Variants in NCALD observed in about 807,000 individuals in gnomAD.
The protein encoded by NCALD is neurocalcin-delta.
NCALD carries 10 observed loss-of-function variants against 18.6 expected under a neutral mutation model. That is an observed-to-expected ratio of 0.54 (90% CI 0.33 to 0.91). The LOEUF is 0.91. Ranked by LOEUF, NCALD falls within the 40% of genes least tolerant of loss-of-function variation. The pLI, the probability that NCALD is intolerant of heterozygous loss-of-function variation, is 0.03. For missense variants in NCALD, 184 were observed against 247.6 expected, an observed-to-expected ratio of 0.74 and a Z score of 1.72; for synonymous variants, 88 against 87.4, an observed-to-expected ratio of 1.01 and a Z score of -0.04.
At chr8:101,933,023 A>G (rs1007948802) in intron 2 of NCALD, among the ~76,000 whole-genome samples, 1 of 152,240 alleles carries the variant, frequency 6.6e-6, no homozygotes, top group African/African-American at 2.4e-5. Flanking sequence ...ACATATGCAC[A>G]TATACACATA....
chr8:101,804,291 C>CTATTATATATAATTATATCAATTATA (rs59006568), intron 4 of NCALD, among the ~76,000 whole-genome samples: 7,343 of 116,200 alleles, frequency 0.063, 816 homozygotes, highest in African/African-American at 0.15. Context: ...CTATTTATAA[C>CTATTATATATAATTATATCAATTATA]TATTATATAT....
chr8:102,059,338 G>C (rs904334363), intron 1 of NCALD, among the ~76,000 whole-genome samples: 1 of 152,172 alleles, frequency 6.6e-6, no homozygotes, highest in Non-Finnish European at 1.5e-5. Context: ...GGTATATTGT[G>C]ATTATTGTTA....
intron 2 of NCALD, among the ~76,000 whole-genome samples, chr8:101,940,210 T>G (rs1213762070): frequency 6.6e-6 from 1 of 152,160 alleles, no homozygotes; most frequent in African/African-American, 2.4e-5. Flanking sequence ...TCTCAAATAC[T>G]TTTAGAAAGG....
At position 101,966,425 on chromosome 8, in the gene NCALD, T is replaced by C. The variant is rs537833551; in HGVS notation, c.-156-50567A>G. Among the ~76,000 whole-genome samples the C allele has an allele frequency of 5.8e-5, 8 of 137,746 alleles. No individual in the cohort carries two copies. In the South Asian group the frequency reaches 1.8e-3, roughly 31 times the overall value. The allele number at this position is 137,746 out of a possible 152,430, so 90.4% of individuals were successfully genotyped here. On this transcript the variant is annotated intron_variant, in intron 2 of 6. Transcript: ENST00000311028. The stretch of plus-strand genomic sequence containing the variant: ...CATGTTCTCACTCATAGGTGAGAAT[T>C]GAACAATGAGAACACATGGACACAG...
At chr8:101,993,453 A>G (rs939613665) in intron 2 of NCALD, among the ~76,000 whole-genome samples, 8 of 152,212 alleles carry the variant, frequency 5.3e-5, no homozygotes, top group Non-Finnish European at 1.5e-5. Context: ...GAGGAGCTCC[A>G]CTGCCCACAG....
chr8:101,958,557 T>C (rs1409312413), intron 2 of NCALD, among the ~76,000 whole-genome samples: 3 of 152,114 alleles, frequency 2.0e-5, no homozygotes, highest in African/African-American at 7.2e-5. Context: ...ATCTAAGAGA[T>C]GTTGACTGTT....
intron 4 of NCALD, among the ~76,000 whole-genome samples, chr8:101,871,395 C>T (rs572219519): frequency 6.6e-6 from 1 of 152,240 alleles, no homozygotes; most frequent in South Asian, 2.1e-4. Flanking sequence ...TAACATACCT[C>T]CCTCCTCCTA....
intron 1 of NCALD, among the ~76,000 whole-genome samples, chr8:102,028,222 T>C (rs1822531854): frequency 1.3e-5 from 2 of 152,222 alleles, no homozygotes; most frequent in African/African-American, 4.8e-5. Flanking sequence ...TGAACAGTTA[T>C]GCATACATCT....
rs1192774816 is a variant in NCALD, at chr8:101,799,222, G to A, written c.-19-79574C>T. 2.6e-5 allele frequency among the ~76,000 whole-genome samples: 4 copies of A among 152,050 alleles called. No individual in the cohort carries two copies. The East Asian group carries it at 7.7e-4, about 29-fold the overall frequency. On this transcript the variant is annotated intron_variant, in intron 4 of 6. Transcript: ENST00000311028. ...ATTTTCAACATCATTAACCATTAGG[G>A]AAATTCAAGTTAAAACCATAATGAG...
At chr8:102,071,822 T>C (rs1366375906) in intron 1 of NCALD, among the ~76,000 whole-genome samples, 1 of 152,268 alleles carries the variant, frequency 6.6e-6, no homozygotes, top group African/African-American at 2.4e-5. Context: ...TTGAAAACAT[T>C]GCTGAGATAA....
At chr8:101,783,238 G>T (rs1374404860) in intron 1 of NCALD, among the ~76,000 whole-genome samples, 1 of 152,160 alleles carries the variant, frequency 6.6e-6, no homozygotes, top group East Asian at 1.9e-4. Context: ...TTAGGATGGG[G>T]TGAAGTTTAA....
intron 4 of NCALD, among the ~76,000 whole-genome samples, chr8:101,879,144 G>A (rs114627841): frequency 0.014 from 2,198 of 152,264 alleles, 17 homozygotes; most frequent in African/African-American, 0.019. Context: ...AAACTTCCAC[G>A]GTGAGTTTCC....
chr8:101,910,543 G>A (rs507295), intron 3 of NCALD, among the ~76,000 whole-genome samples: 3,626 of 152,262 alleles, frequency 0.024, 67 homozygotes, highest in Middle Eastern at 0.037. Context: ...ATCCAATGTG[G>A]ATTTAATCAC....
intron 3 of NCALD, among the ~76,000 whole-genome samples, chr8:101,891,791 T>C (rs1489928427): frequency 6.6e-6 from 1 of 152,154 alleles, no homozygotes; most frequent in African/African-American, 2.4e-5. Flanking sequence ...ACCCAAATAT[T>C]GCACTTTTCA....
chr8:101,896,619 G>T (rs981344887), intron 3 of NCALD, among the ~76,000 whole-genome samples: 1 of 151,946 alleles, frequency 6.6e-6, no homozygotes. Flanking sequence ...CTACTCACCT[G>T]ACAAAGGGCT....
intron 4 of NCALD, among the ~76,000 whole-genome samples, chr8:101,839,628 CCTT>C (rs1814558695): frequency 1.3e-5 from 2 of 152,260 alleles, no homozygotes; most frequent in South Asian, 4.2e-4. Context: ...AAGCCCCTGG[CCTT>C]CTATATTGCT....
intron 2 of NCALD, among the ~76,000 whole-genome samples, chr8:101,712,290 A>C (rs1366901234): frequency 6.6e-6 from 1 of 152,174 alleles, no homozygotes; most frequent in African/African-American, 2.4e-5. Flanking sequence ...ACTGGTACCA[A>C]CCACTGCAAA....
intron 1 of NCALD, among the ~76,000 whole-genome samples, chr8:101,762,012 G>T (rs975476635): frequency 1.3e-5 from 2 of 152,202 alleles, no homozygotes; most frequent in Non-Finnish European, 2.9e-5. Flanking sequence ...TAATGACCTT[G>T]GGAGCATAAG....
chr8:101,759,623 A>G (rs145337346), intron 1 of NCALD, among the ~76,000 whole-genome samples: 96 of 152,288 alleles, frequency 6.3e-4, no homozygotes, highest in Non-Finnish European at 1.0e-3. Context: ...TCTGCCACAC[A>G]ATAAGGAGTC....
Sources: allele counts gnomAD v4.1 joint callset (sites outside exome capture counted in the v4.1 genomes callset), GRCh38; gene constraint gnomAD v4.1.1; transcripts MANE v1.5; gene names NCBI Gene and HGNC (gene_info 2026-07-23, HGNC 2026-07-21).